KANSL2: variants seen among roughly 807,000 people sequenced by gnomAD.
The protein encoded by KANSL2 is NSL complex protein NSL2.
KANSL2 carries 34 observed loss-of-function variants against 55.6 expected under a neutral mutation model. The observed-to-expected ratio is 0.61, with a 90% CI of 0.46 to 0.81. The LOEUF is 0.81. Ranked by LOEUF, KANSL2 falls within the 40% of genes least tolerant of loss-of-function variation. The probability of loss-of-function intolerance (pLI) is 0.00; values close to 1 mark genes in which losing one functional copy is unlikely to be tolerated. For missense variants in KANSL2, 502 were observed against 609.9 expected, an observed-to-expected ratio of 0.82 and a Z score of 1.86; for synonymous variants, 209 against 214.3, an observed-to-expected ratio of 0.98 and a Z score of 0.22.
At chr12:48,663,900 TTTAAC>T (rs1359511573) in intron 7 of KANSL2, among the ~76,000 whole-genome samples, 1 of 150,974 alleles carries the variant, frequency 6.6e-6, no homozygotes, top group Admixed American at 6.6e-5. Context: ...GATACACACT[TTTAAC>T]TATTAGCCTT....
At chr12:48,661,758 C>T (rs1297707729) in intron 7 of KANSL2, among the ~76,000 whole-genome samples, 3 of 152,082 alleles carry the variant, frequency 2.0e-5, no homozygotes, top group Non-Finnish European at 2.9e-5. Flanking sequence ...GTGGCACTAC[C>T]AACACTGTAG....
chr12:48,664,794 G>C (rs919099085), intron 7 of KANSL2, among the ~76,000 whole-genome samples: 6 of 150,940 alleles, frequency 4.0e-5, no homozygotes, highest in Non-Finnish European at 8.8e-5. Flanking sequence ...ATCTTGGCCA[G>C]GCTGGTCTTG....
Position 48,682,163 on chromosome 12 carries a change from G to A in KANSL2, c.-10+24C>T, listed in dbSNP as rs1281729942. On this transcript the variant is annotated intron_variant, in intron 1 of 9. Transcript: ENST00000420613. ...ATAGCAGCCCAACCGCAAGAGCTTAGAGGAAAGAGCACCGCCATCTTACCT... is the reference window on the plus strand; with the variant it reads ...ATAGCAGCCCAACCGCAAGAGCTTAAAGGAAAGAGCACCGCCATCTTACCT... 4 of 699,954 alleles carry A rather than the reference G, an allele frequency of 5.7e-6. No individual in the cohort carries two copies. The South Asian group carries it at 5.9e-5, about 10-fold the overall frequency. 43.4% of individuals were successfully genotyped at this position (699,954 alleles called of 1,614,324 possible).
chr12:48,670,601 C>T (rs1939693620), intron 5 of KANSL2, among the ~76,000 whole-genome samples: 2 of 152,132 alleles, frequency 1.3e-5, no homozygotes, highest in Admixed American at 1.3e-4. Context: ...AATTTTTGTA[C>T]AGCTGTACAG....
intron 2 of KANSL2, chr12:48,680,115 A>G (rs1939893781): frequency 6.2e-6 from 2 of 321,520 alleles, no homozygotes; most frequent in Non-Finnish European, 1.2e-5. Flanking sequence ...GCTAAAGTGC[A>G]GTGGTGCAAT....
intron 8 of KANSL2, chr12:48,656,515 G>A (rs1447916825): frequency 6.2e-6 from 2 of 321,064 alleles, no homozygotes; most frequent in Admixed American, 4.4e-5. Flanking sequence ...CCAGTGATTG[G>A]CCCACCTCAG....
At chr12:48,658,087 C>G (rs1939422800) in intron 8 of KANSL2, among the ~76,000 whole-genome samples, 1 of 151,892 alleles carries the variant, frequency 6.6e-6, no homozygotes, top group Non-Finnish European at 1.5e-5. Flanking sequence ...AAAAATTAGC[C>G]AAGCACAGTG....
chr12:48,662,489 C>T (rs1939506353), intron 7 of KANSL2: 2 of 1,162,198 alleles, frequency 1.7e-6, no homozygotes, highest in South Asian at 1.7e-5. Flanking sequence ...AAGGACTCCC[C>T]CCATCATCCT....
At position 48,672,433 on chromosome 12, in the gene KANSL2, A is replaced by ATACGTATATATATATATATATATTTTT. The variant is rs371918890; in HGVS notation, c.546-472_546-471insAAAAATATATATATATATATATACGTA. ...CGTATATATATATATATATATATAT[A>ATACGTATATATATATATATATATTTTT]TTTTTTTTTTGAGATAAGGTCTCAC... On this transcript the variant is annotated intron_variant, in intron 4 of 9. Transcript: ENST00000420613. Among the ~76,000 whole-genome samples the ATACGTATATATATATATATATATTTTT allele has an allele frequency of 3.4e-3, 407 of 120,292 alleles. 2 individuals carry two copies. Among genetic ancestry groups the ATACGTATATATATATATATATATTTTT allele is most frequent in the Non-Finnish European group, 5.9e-3 (365 of 61,940 alleles). 78.9% of individuals were successfully genotyped at this position (120,292 alleles called of 152,430 possible). A position where few individuals can be genotyped will look rare whatever the true frequency, so the allele number is the denominator to read the frequency against.
At chr12:48,665,650 A>G (rs1298669081) in intron 7 of KANSL2, among the ~76,000 whole-genome samples, 2 of 152,250 alleles carry the variant, frequency 1.3e-5, no homozygotes, top group East Asian at 3.8e-4. Flanking sequence ...ATCCTATTTA[A>G]TTAACAAGTG....
chr12:48,682,142 C>T, intron 1 of KANSL2, 45 bp downstream of exon 1: 1 of 702,554 alleles, frequency 1.4e-6, no homozygotes, highest in Non-Finnish European at 2.6e-6. Context: ...AGCGAAATAG[C>T]AGCCCAACCG....
chr12:48,664,849 TG>T (rs1939562367), intron 7 of KANSL2, among the ~76,000 whole-genome samples: 1 of 149,194 alleles, frequency 6.7e-6, no homozygotes, highest in African/African-American at 2.5e-5. Context: ...CCCAAAGTGC[TG>T]GAATTACAGG....
At chr12:48,664,279 AT>A (rs36046064) in intron 7 of KANSL2, among the ~76,000 whole-genome samples, 81,779 of 138,114 alleles carry the variant, frequency 0.59, 23,371 homozygotes, top group East Asian at 0.76. Context: ...GTTTTAAGCA[AT>A]TTTTTTTTTT....
At chr12:48,676,251 G>A (rs550512432) in intron 4 of KANSL2, among the ~76,000 whole-genome samples, 16 of 152,220 alleles carry the variant, frequency 1.1e-4, no homozygotes, top group African/African-American at 2.4e-4. Flanking sequence ...TACAGACCAC[G>A]TGCACCACCA....
intron 7 of KANSL2, among the ~76,000 whole-genome samples, chr12:48,663,195 TTTGA>T (rs1233510838): frequency 6.6e-6 from 1 of 152,220 alleles, no homozygotes; most frequent in East Asian, 1.9e-4. Flanking sequence ...TTGGTCTGCA[TTTGA>T]TTATCTCCTT....
intron 4 of KANSL2, among the ~76,000 whole-genome samples, chr12:48,675,259 A>G (rs755043964): frequency 6.6e-6 from 1 of 151,886 alleles, no homozygotes; most frequent in Non-Finnish European, 1.5e-5. Flanking sequence ...GAAAGAAATT[A>G]GCCGGGCACA....
rs531853320 is a variant in KANSL2, at chr12:48,667,324, T to C, written c.973+369A>G. ...GTAATTTTTTAAGTTTATAATTAGATTTAACAGCATTAGGATCCTAATAAG... is the reference window on the plus strand; with the variant it reads ...GTAATTTTTTAAGTTTATAATTAGACTTAACAGCATTAGGATCCTAATAAG... On this transcript the variant is annotated intron_variant, in intron 7 of 9. Transcript: ENST00000420613. 11 of 247,444 alleles carry C rather than the reference T, an allele frequency of 4.4e-5. 1 individual carries two copies. In the South Asian group the frequency reaches 5.3e-4, roughly 12 times the overall value. 15.3% of individuals were successfully genotyped at this position (247,444 alleles called of 1,614,324 possible).
At chr12:48,678,689 G>A (rs1054915635) in intron 4 of KANSL2, among the ~76,000 whole-genome samples, 2 of 152,126 alleles carry the variant, frequency 1.3e-5, no homozygotes, top group Non-Finnish European at 2.9e-5. Flanking sequence ...CTGAGGTTTA[G>A]GCCAAGCACC....
chr12:48,662,763 C>G, intron 7 of KANSL2: 1 of 628,478 alleles, frequency 1.6e-6, no homozygotes, highest in South Asian at 2.4e-5. Context: ...AATACATTTT[C>G]AATTTTGCTT....
Sources: allele counts gnomAD v4.1 joint callset (sites outside exome capture counted in the v4.1 genomes callset), GRCh38; gene constraint gnomAD v4.1.1; transcripts MANE v1.5; gene names NCBI Gene and HGNC (gene_info 2026-07-23, HGNC 2026-07-21).